The following GRIP1 variants were observed in gnomAD, a reference collection of about 807,000 sequenced individuals.
The protein encoded by GRIP1 is glutamate receptor interacting protein 1, also known as glutamate receptor-interacting protein 1.
A neutral mutation model predicts 129.9 loss-of-function variants in GRIP1; 45 were observed. The observed-to-expected ratio is 0.35, with a 90% CI of 0.27 to 0.44. The LOEUF (loss-of-function observed/expected upper bound fraction) is 0.44, where lower values mean the gene tolerates loss of function less well. Ranked by LOEUF, GRIP1 falls within the 20% of genes least tolerant of loss-of-function variation. The pLI, the probability that GRIP1 is intolerant of heterozygous loss-of-function variation, is 1.00. For missense variants in GRIP1, 1,196 were observed against 1,396.8 expected, an observed-to-expected ratio of 0.86 and a Z score of 2.29; for synonymous variants, 530 against 520.8, an observed-to-expected ratio of 1.02 and a Z score of -0.24.
At chr12:66,383,821 T>C (rs749136812) in intron 19 of GRIP1, among the ~76,000 whole-genome samples, 3 of 152,204 alleles carry the variant, frequency 2.0e-5, no homozygotes, top group Admixed American at 6.5e-5. Flanking sequence ...TTAGCTTCTC[T>C]CAAAGCTAAG....
intron 2 of GRIP1, among the ~76,000 whole-genome samples, chr12:66,570,343 C>A (rs1347342735): frequency 1.3e-5 from 2 of 152,104 alleles, no homozygotes; most frequent in African/African-American, 4.8e-5. Context: ...TCTCAAACTC[C>A]TGGCCTCAAG....
intron 1 of GRIP1, among the ~76,000 whole-genome samples, chr12:67,047,845 C>T (rs571942903): frequency 2.0e-5 from 3 of 152,278 alleles, no homozygotes; most frequent in South Asian, 2.1e-4. Flanking sequence ...CATCCTATAC[C>T]TATCATCAAA....
intron 1 of GRIP1, among the ~76,000 whole-genome samples, chr12:67,013,777 G>C (rs189636519): frequency 2.6e-5 from 4 of 152,300 alleles, no homozygotes; most frequent in Admixed American, 1.3e-4. Context: ...GGATGGGATA[G>C]AGTCCCACCT....
intron 1 of GRIP1, among the ~76,000 whole-genome samples, chr12:66,616,524 G>A (rs912399411): frequency 2.0e-5 from 3 of 151,892 alleles, no homozygotes; most frequent in Non-Finnish European, 4.4e-5. Context: ...CTTTTGAAGG[G>A]GAGACCTGGT....
intron 7 of GRIP1, among the ~76,000 whole-genome samples, chr12:66,513,572 C>T (rs540490439): frequency 1.7e-4 from 26 of 152,094 alleles, no homozygotes; most frequent in African/African-American, 6.3e-4. Context: ...CCTTTTGGAA[C>T]CTTATAATTT....
chr12:66,538,943 T>C (rs769811461), intron 4 of GRIP1, 135 bp downstream of exon 4: 2 of 748,622 alleles, frequency 2.7e-6, no homozygotes, highest in South Asian at 3.3e-5. Flanking sequence ...AATTTATCAA[T>C]TAAACTTTAT....
At chr12:66,987,070 G>A (rs2042323847) in intron 1 of GRIP1, among the ~76,000 whole-genome samples, 1 of 152,070 alleles carries the variant, frequency 6.6e-6, no homozygotes, top group African/African-American at 2.4e-5. Context: ...TCAGGGGTCA[G>A]AAGAAGGTGA....
intron 1 of GRIP1, among the ~76,000 whole-genome samples, chr12:66,859,591 T>C (rs1018338474): frequency 2.6e-5 from 4 of 152,022 alleles, no homozygotes; most frequent in African/African-American, 7.2e-5. Flanking sequence ...TGCCATCCCT[T>C]ATCTTACTGG....
At chr12:66,951,493 G>A (rs2041756959) in intron 1 of GRIP1, among the ~76,000 whole-genome samples, 2 of 152,212 alleles carry the variant, frequency 1.3e-5, no homozygotes, top group African/African-American at 4.8e-5. Context: ...CATGAGGTTG[G>A]AGGGGTCAGT....
chr12:66,834,773 C>T (rs913495141), intron 1 of GRIP1, among the ~76,000 whole-genome samples: 8 of 151,780 alleles, frequency 5.3e-5, no homozygotes, highest in Non-Finnish European at 1.2e-4. Context: ...AAAGAATTGC[C>T]TATAGTCCAT....
intron 9 of GRIP1, among the ~76,000 whole-genome samples, chr12:66,460,610 A>C (rs2059107903): frequency 6.6e-6 from 1 of 152,220 alleles, no homozygotes; most frequent in Non-Finnish European, 1.5e-5. Context: ...TATCAGTGAA[A>C]GGCATAGCTA....
chr12:66,734,022 G>T (rs2036520423), intron 1 of GRIP1, among the ~76,000 whole-genome samples: 1 of 152,108 alleles, frequency 6.6e-6, no homozygotes, highest in Admixed American at 6.5e-5. Context: ...ACTAGGAGAG[G>T]CAAAAAGGAA....
At chr12:66,462,332 T>C (rs1343086428) in intron 9 of GRIP1, among the ~76,000 whole-genome samples, 1 of 152,248 alleles carries the variant, frequency 6.6e-6, no homozygotes, top group Non-Finnish European at 1.5e-5. Flanking sequence ...ACTTTACTTA[T>C]TTATTTTTAA....
At chr12:66,477,610 G>A (rs1330056411) in intron 7 of GRIP1, among the ~76,000 whole-genome samples, 1 of 152,132 alleles carries the variant, frequency 6.6e-6, no homozygotes, top group Non-Finnish European at 1.5e-5. Flanking sequence ...GAGGCATCAC[G>A]CTATCTGACT....
At chr12:66,542,575 T>A (rs1045478184) in intron 2 of GRIP1, among the ~76,000 whole-genome samples, 4 of 152,214 alleles carry the variant, frequency 2.6e-5, no homozygotes, top group Admixed American at 6.5e-5. Flanking sequence ...CTGACATAAA[T>A]CTTTCATTCT....
At position 66,645,831 on chromosome 12, in the gene GRIP1, T is replaced by C. The variant is rs140834523; in HGVS notation, c.55+33019A>G. Among the ~76,000 whole-genome samples the C allele has an allele frequency of 1.3e-3, 203 of 152,266 alleles. 3 individuals carry two copies. The East Asian group carries it at 0.023, about 17-fold the overall frequency. ...ACCACTATTTGACTTAGCAAGAAAT[T>C]CAAGAGGACTCTGATCCAGGTTAAC... On this transcript the variant is annotated intron_variant, in intron 1 of 24. Coordinates refer to ENST00000359742, the MANE Select transcript of GRIP1 (RefSeq NM_001366722.1).
At chr12:66,657,299 C>T (rs1033192141) in intron 1 of GRIP1, among the ~76,000 whole-genome samples, 20 of 152,154 alleles carry the variant, frequency 1.3e-4, no homozygotes, top group African/African-American at 2.7e-4. Context: ...ACCCTGGTCC[C>T]GCCCCATTCG....
At chr12:66,793,179 G>GT (rs1336738014) in intron 1 of GRIP1, among the ~76,000 whole-genome samples, 3 of 152,066 alleles carry the variant, frequency 2.0e-5, no homozygotes, top group Non-Finnish European at 2.9e-5. Context: ...AGATGCATTG[G>GT]TTTTTTACTG....
upstream of GRIP1, among the ~76,000 whole-genome samples, chr12:66,680,482 C>A (rs1412600083): frequency 1.3e-5 from 2 of 152,136 alleles, no homozygotes; most frequent in Non-Finnish European, 2.9e-5. Context: ...AAAGCAACCA[C>A]TAATCAATAG....
Sources: gnomAD v4.1 joint callset for allele counts (sites outside exome capture counted in the v4.1 genomes callset) on GRCh38, gnomAD v4.1.1 for gene constraint, MANE v1.5 for transcripts, NCBI Gene and HGNC (gene_info 2026-07-23, HGNC 2026-07-21) for gene names.